The following MNAT1 variants were observed in gnomAD, a reference collection of about 807,000 sequenced individuals.
MNAT1 encodes CDK-activating kinase assembly factor MAT1.
A neutral mutation model predicts 42.0 loss-of-function variants in MNAT1; 43 were observed. That is an observed-to-expected ratio of 1.02 (90% CI 0.80 to 1.32). MNAT1 has a LOEUF of 1.32. MNAT1 is among the 40% of genes most tolerant of loss of function. The probability of loss-of-function intolerance (pLI) is 0.00; values close to 1 mark genes in which losing one functional copy is unlikely to be tolerated. For missense variants in MNAT1, 306 were observed against 350.4 expected (o/e 0.87, Z 1.01); for synonymous variants, 118 against 120.0 (o/e 0.98, Z 0.11).
intron 6 of MNAT1, among the ~76,000 whole-genome samples, chr14:60,832,455 T>G (rs999313033): frequency 2.6e-5 from 4 of 152,230 alleles, no homozygotes; most frequent in African/African-American, 9.6e-5. Context: ...TATTGCTTGT[T>G]TTTGTCAGGT....
At chr14:60,794,280 C>T (rs867792220) in intron 1 of MNAT1, among the ~76,000 whole-genome samples, 3 of 152,036 alleles carry the variant, frequency 2.0e-5, no homozygotes, top group Non-Finnish European at 2.9e-5. Context: ...CTTCCTAAGT[C>T]CAGAGTGGTT....
At chr14:60,806,344 C>T (rs2032367967) in intron 3 of MNAT1, among the ~76,000 whole-genome samples, 2 of 152,064 alleles carry the variant, frequency 1.3e-5, no homozygotes, top group South Asian at 4.1e-4. Flanking sequence ...CACTGTTGTT[C>T]TGGGTTGAGG....
intron 7 of MNAT1, among the ~76,000 whole-genome samples, chr14:60,905,617 A>T (rs747739910): frequency 1.3e-5 from 2 of 152,182 alleles, no homozygotes; most frequent in Non-Finnish European, 2.9e-5. Flanking sequence ...TCTCAGTTTG[A>T]GGTTGAAGGC....
chr14:60,790,583 T>C (rs2031786751), intron 1 of MNAT1, among the ~76,000 whole-genome samples: 1 of 152,174 alleles, frequency 6.6e-6, no homozygotes, highest in Non-Finnish European at 1.5e-5. Flanking sequence ...ATGTATGTCA[T>C]GATTATCAAT....
chr14:60,967,779 T>C (rs1310189626), intron 7 of MNAT1, among the ~76,000 whole-genome samples: 1 of 152,210 alleles, frequency 6.6e-6, no homozygotes, highest in African/African-American at 2.4e-5. Flanking sequence ...TTTTCTCCCC[T>C]CTTCCATTTG....
chr14:60,932,133 ATATT>A (rs1229365479), intron 7 of MNAT1, among the ~76,000 whole-genome samples: 5 of 152,014 alleles, frequency 3.3e-5, no homozygotes, highest in Non-Finnish European at 2.9e-5. Context: ...ACAAACCTAT[ATATT>A]AGGTTACATT....
intron 1 of MNAT1, among the ~76,000 whole-genome samples, chr14:60,746,408 G>A (rs527959217): frequency 3.6e-4 from 54 of 151,776 alleles, no homozygotes; most frequent in Middle Eastern, 3.4e-3. Context: ...CCAGCTACTC[G>A]GGAGGATGAG....
Position 60,796,265 on chromosome 14 carries a change from C to T in MNAT1, c.138C>T (p.Cys46=), listed in dbSNP as rs369837694. The T allele has an allele frequency of 9.9e-6, 16 of 1,613,062 alleles. No individual in the cohort carries two copies. In the African/African-American group the frequency reaches 1.6e-4, roughly 16 times the overall value. ...TGTTTGTGAGAGGAGCTGGAAACTG[C>T]CCTGAGTGTGGTACTCCACTCAGAA... ...DLLFVRGAGN[C]PECGTPLRKS... Residue 46 remains cysteine (C), a synonymous_variant, in exon 2 of 8, where the codon TGC becomes TGT. Coordinates refer to ENST00000261245, the MANE Select transcript of MNAT1 (RefSeq NM_002431.4).
chr14:60,832,512 C>T (rs1464598644), intron 6 of MNAT1, among the ~76,000 whole-genome samples: 3 of 151,914 alleles, frequency 2.0e-5, no homozygotes, highest in Non-Finnish European at 2.9e-5. Context: ...ATTTTTGAGG[C>T]CTCTTTTATG....
At position 60,808,340 on chromosome 14, in the gene MNAT1, A is replaced by G. The variant is rs756313836; in HGVS notation, c.332A>G (p.Asn111Ser). ...TCTAATGCAGTTTTCAACTTGACCA[A>G]CAATGTGGATTTGGACAACACCAAA... ...EVEEIVFNLT[N>S]NVDLDNTKKK... The change falls in exon 4 of 8, where the codon AAC becomes AGC. Residue 111 changes from asparagine (N) to serine (S), a missense_variant. This residue lies in a region of MNAT1 where 118 missense variants were observed against 99.8 expected (regional missense o/e 1.18). Coordinates refer to ENST00000261245, the MANE Select transcript of MNAT1 (RefSeq NM_002431.4). 2 of 1,575,330 alleles carry G rather than the reference A, an allele frequency of 1.3e-6. No homozygotes were observed. Among genetic ancestry groups the G allele is most frequent in the Non-Finnish European group, 8.6e-7 (1 of 1,166,936 alleles).
At chr14:60,906,918 G>C (rs1228696609) in intron 7 of MNAT1, among the ~76,000 whole-genome samples, 1 of 152,026 alleles carries the variant, frequency 6.6e-6, no homozygotes, top group African/African-American at 2.4e-5. Flanking sequence ...GCAGAAATTA[G>C]TTCAGAGAAC....
chr14:60,840,573 G>C (rs1411319930), intron 6 of MNAT1, among the ~76,000 whole-genome samples: 1 of 152,192 alleles, frequency 6.6e-6, no homozygotes, highest in Non-Finnish European at 1.5e-5. Flanking sequence ...TGGGGCCCTT[G>C]ATCCCAGTCC....
At chr14:60,780,871 G>C (rs2031435274) in intron 1 of MNAT1, among the ~76,000 whole-genome samples, 1 of 152,040 alleles carries the variant, frequency 6.6e-6, no homozygotes, top group African/African-American at 2.4e-5. Flanking sequence ...TTTGAAGATA[G>C]TAACTGTAGA....
At chr14:60,811,298 CTTTTTT>C (rs569520885) in intron 4 of MNAT1, among the ~76,000 whole-genome samples, 2 of 80,320 alleles carry the variant, frequency 2.5e-5, no homozygotes, top group African/African-American at 4.8e-5. Flanking sequence ...TCTATTCTTT[CTTTTTT>C]TTTTTTTTTT....
intron 7 of MNAT1, among the ~76,000 whole-genome samples, chr14:60,945,763 A>G (rs951895844): frequency 1.8e-4 from 28 of 152,338 alleles, no homozygotes; most frequent in East Asian, 1.7e-3. Context: ...AGAAGATCCC[A>G]TAAACAACAG....
intron 7 of MNAT1, among the ~76,000 whole-genome samples, chr14:60,913,748 C>T (rs2035444844): frequency 6.6e-6 from 1 of 152,164 alleles, no homozygotes; most frequent in African/African-American, 2.4e-5. Flanking sequence ...CTGGGGGGTA[C>T]CTCCTAGTTA....
intron 6 of MNAT1, among the ~76,000 whole-genome samples, chr14:60,866,030 A>T (rs1035648946): frequency 2.0e-5 from 3 of 152,100 alleles, no homozygotes; most frequent in African/African-American, 7.2e-5. Flanking sequence ...TGCTTGTCAT[A>T]TTCAGTAGAA....
chr14:60,786,246 AAAAAC>A (rs1267455939), intron 1 of MNAT1, among the ~76,000 whole-genome samples: 1 of 152,110 alleles, frequency 6.6e-6, no homozygotes, highest in Non-Finnish European at 1.5e-5. Flanking sequence ...AAAGAGGTAG[AAAAAC>A]AAAATAAGAA....
intron 1 of MNAT1, among the ~76,000 whole-genome samples, chr14:60,745,036 CCT>C (rs1383450736): frequency 6.6e-6 from 1 of 152,314 alleles, no homozygotes; most frequent in East Asian, 1.9e-4. Flanking sequence ...TGTCTTCTAG[CCT>C]CTCTGCCTTG....
Sources: gnomAD v4.1 joint callset for allele counts (sites outside exome capture counted in the v4.1 genomes callset) on GRCh38, gnomAD v4.1.1 for gene constraint, gnomAD v4.1.1 regional missense constraint, MANE v1.5 for transcripts, NCBI Gene and HGNC (gene_info 2026-07-23, HGNC 2026-07-21) for gene names.